The following NXPH1 variants were observed in gnomAD, a reference collection of about 807,000 sequenced individuals.
NXPH1 encodes the protein neurexophilin 1.
Under a neutral mutation model 23.7 loss-of-function variants are expected in NXPH1, and 5 were observed. The observed-to-expected ratio is 0.21, with a 90% confidence interval of 0.11 to 0.44. The LOEUF (loss-of-function observed/expected upper bound fraction) is 0.44, where lower values mean the gene tolerates loss of function less well. Ranked by LOEUF, NXPH1 falls within the 20% of genes least tolerant of loss-of-function variation. NXPH1 has a pLI of 0.99. For synonymous variants in NXPH1, 144 were observed against 122.2 expected, an observed-to-expected ratio of 1.18 and a Z score of -1.18; for missense variants, 324 against 321.6, an observed-to-expected ratio of 1.01 and a Z score of -0.06.
intron 2 of NXPH1, among the ~76,000 whole-genome samples, chr7:8,736,566 G>C (rs1280184696): frequency 2.0e-5 from 3 of 152,170 alleles, no homozygotes; most frequent in Non-Finnish European, 2.9e-5. Context: ...GTCAATTTTA[G>C]GATAAGTGTG....
At chr7:8,485,646 T>C (rs964918392) in intron 2 of NXPH1, among the ~76,000 whole-genome samples, 1 of 152,082 alleles carries the variant, frequency 6.6e-6, no homozygotes, top group Admixed American at 6.6e-5. Flanking sequence ...TTTGCTTAAG[T>C]GGAGGCGGGG....
rs533188474 is a variant in NXPH1 at position 8,461,602 on chromosome 7, G to A, written c.54+25835G>A. ...TCCCAGCACTTTGGGAGGCCGAGGC[G>A]GGTGGATCATGAGGTCAGGAGATCG... On this transcript the variant is annotated intron_variant, in intron 2 of 2. Coordinates refer to ENST00000405863, the MANE Select transcript of NXPH1 (RefSeq NM_152745.3). 3.7e-3 allele frequency among the ~76,000 whole-genome samples: 558 copies of A among 150,770 alleles called. 2 individuals carry two copies. Among genetic ancestry groups the A allele is most frequent in the Non-Finnish European group, 5.4e-3 (369 of 67,726 alleles).
chr7:8,480,364 T>C (rs1226082183), intron 2 of NXPH1, among the ~76,000 whole-genome samples: 1 of 152,206 alleles, frequency 6.6e-6, no homozygotes, highest in Admixed American at 6.5e-5. Context: ...TGAGATCTTA[T>C]TAAATGCCTA....
At chr7:8,743,470 C>G (rs1048386755) in intron 2 of NXPH1, among the ~76,000 whole-genome samples, 13 of 152,016 alleles carry the variant, frequency 8.6e-5, no homozygotes, top group African/African-American at 3.1e-4. Context: ...TTGTCACGTA[C>G]AGCCAGAATA....
At chr7:8,632,115 G>C (rs570579184) in intron 2 of NXPH1, among the ~76,000 whole-genome samples, 9 of 152,234 alleles carry the variant, frequency 5.9e-5, no homozygotes, top group African/African-American at 1.4e-4. Flanking sequence ...TCAGATGGCT[G>C]TGGTAACTTG....
At chr7:8,483,517 C>T (rs1817108534) in intron 2 of NXPH1, among the ~76,000 whole-genome samples, 1 of 151,976 alleles carries the variant, frequency 6.6e-6, no homozygotes. Flanking sequence ...CTATGTTGCC[C>T]AGGCTGGTCT....
chr7:8,577,795 G>A (rs770876772), intron 2 of NXPH1, among the ~76,000 whole-genome samples: 2 of 152,152 alleles, frequency 1.3e-5, no homozygotes, highest in Non-Finnish European at 2.9e-5. Context: ...GGTTTCAAAG[G>A]GCATTGGGTC....
intron 2 of NXPH1, among the ~76,000 whole-genome samples, chr7:8,703,315 C>G (rs1000760069): frequency 1.8e-4 from 27 of 152,142 alleles, no homozygotes; most frequent in African/African-American, 6.3e-4. Context: ...TACGTCTGTG[C>G]TACTTTAGTG....
chr7:8,496,091 G>C (rs897175709), intron 2 of NXPH1, among the ~76,000 whole-genome samples: 3 of 152,026 alleles, frequency 2.0e-5, no homozygotes, highest in African/African-American at 7.2e-5. Context: ...ATGAGTGGCA[G>C]CATTAGGATT....
Position 8,706,948 on chromosome 7 carries a change from A to G in NXPH1, c.55-44060A>G, listed in dbSNP as rs1779715632. On this transcript the variant is annotated intron_variant, in intron 2 of 2. Transcript: ENST00000405863. Reference sequence around the variant, plus strand: ...GTGATGAGAAATTAATGGGTACAATATATATTTTTCACACGATGAATACAC... The same window carrying G: ...GTGATGAGAAATTAATGGGTACAATGTATATTTTTCACACGATGAATACAC... Among the ~76,000 whole-genome samples the G allele has an allele frequency of 2.0e-5, 3 of 152,190 alleles. No homozygotes were observed. In the South Asian group the frequency reaches 6.2e-4, roughly 32 times the overall value.
At chr7:8,696,171 A>G (rs755376023) in intron 2 of NXPH1, among the ~76,000 whole-genome samples, 8 of 152,242 alleles carry the variant, frequency 5.3e-5, no homozygotes, top group Non-Finnish European at 1.2e-4. Flanking sequence ...ACTGTTTTGG[A>G]AAACTAACTT....
rs17154588 is a variant in NXPH1 at position 8,718,982 on chromosome 7, G to T, written c.55-32026G>T. Among the ~76,000 whole-genome samples the T allele has an allele frequency of 2.5e-3, 385 of 152,280 alleles. 9 individuals carry two copies. In the East Asian group the frequency reaches 0.06, roughly 24 times the overall value. On this transcript the variant is annotated intron_variant, in intron 2 of 2. Coordinates refer to ENST00000405863, the MANE Select transcript of NXPH1 (RefSeq NM_152745.3). ...ATCAACCCAGACTTGATTTTATGCA[G>T]TAAATTGTCCAACAGAAGTCTATTT...
intron 2 of NXPH1, among the ~76,000 whole-genome samples, chr7:8,726,567 T>G (rs1468417805): frequency 6.8e-6 from 1 of 146,280 alleles, no homozygotes; most frequent in East Asian, 2.1e-4. Context: ...TTCCCACCTA[T>G]GAGTGAGAAT....
chr7:8,606,807 G>A (rs1819502880), intron 2 of NXPH1, among the ~76,000 whole-genome samples: 1 of 152,116 alleles, frequency 6.6e-6, no homozygotes, highest in Admixed American at 6.6e-5. Flanking sequence ...ACATGATAGT[G>A]ATGCTACTTT....
Position 8,652,322 on chromosome 7 carries a change from CAT to C in NXPH1, c.55-98683_55-98682del, listed in dbSNP as rs140776867. Among the ~76,000 whole-genome samples, 861 of 152,180 alleles carry C rather than the reference CAT, an allele frequency of 5.7e-3. 6 individuals are homozygous for C. The highest frequency in any genetic ancestry group is 0.019 in the African/African-American group (801 of 41,532). On this transcript the variant is annotated intron_variant, in intron 2 of 2. Transcript: ENST00000405863. ...TTTAAATTTATGTGAATAAATTTTACATATGTGTTATTTTATCTATTTTATGT... is the reference window on the plus strand; with the variant it reads ...TTTAAATTTATGTGAATAAATTTTACATGTGTTATTTTATCTATTTTATGT...
intron 2 of NXPH1, among the ~76,000 whole-genome samples, chr7:8,703,805 C>G (rs1218277704): frequency 6.6e-6 from 1 of 152,004 alleles, no homozygotes; most frequent in Non-Finnish European, 1.5e-5. Context: ...TATTGCGGGC[C>G]AACCCACTAG....
intron 2 of NXPH1, among the ~76,000 whole-genome samples, chr7:8,510,205 C>G (rs536332361): frequency 4.1e-4 from 63 of 152,256 alleles, no homozygotes; most frequent in African/African-American, 1.5e-3. Flanking sequence ...GAGAGATAAA[C>G]TTGACATTTT....
Position 8,695,786 on chromosome 7 carries a change from A to G in NXPH1, c.55-55222A>G, listed in dbSNP as rs1347356232. ...ACAAATGTTAAGATTCAGATTGTTG[A>G]ATTTTAATCAATAGGAAGCTTTGCT... On this transcript the variant is annotated intron_variant, in intron 2 of 2. Transcript: ENST00000405863. 2.6e-5 allele frequency among the ~76,000 whole-genome samples: 4 copies of G among 152,204 alleles called. No homozygotes were observed. In the East Asian group the frequency reaches 7.7e-4, roughly 29 times the overall value.
chr7:8,517,244 AG>A (rs1235055587), intron 2 of NXPH1, among the ~76,000 whole-genome samples: 1 of 152,066 alleles, frequency 6.6e-6, no homozygotes, highest in Non-Finnish European at 1.5e-5. Context: ...GGCCACAGAG[AG>A]GTACCTCACC....
Sources: allele counts gnomAD v4.1 joint callset (sites outside exome capture counted in the v4.1 genomes callset), GRCh38; gene constraint gnomAD v4.1.1; transcripts MANE v1.5; gene names NCBI Gene and HGNC (gene_info 2026-07-23, HGNC 2026-07-21).